The following FAM114A1 variants were observed in gnomAD, a reference collection of about 807,000 sequenced individuals.
FAM114A1 encodes the protein protein NOXP20.
A neutral mutation model predicts 64.3 loss-of-function variants in FAM114A1; 62 were observed. That is an observed-to-expected ratio of 0.96 (90% CI 0.79 to 1.19). The LOEUF (loss-of-function observed/expected upper bound fraction) is 1.19, where lower values mean the gene tolerates loss of function less well. FAM114A1 is among the 50% of genes most tolerant of loss of function. FAM114A1 has a pLI of 0.00. For synonymous variants in FAM114A1, 254 were observed against 251.1 expected (o/e 1.01, Z -0.11); for missense variants, 645 against 676.3 (o/e 0.95, Z 0.51).
rs74549065 is a variant in FAM114A1, at chr4:38,907,853, A to G, written c.658-739A>G. Among the ~76,000 whole-genome samples, 597 of 152,294 alleles carry G rather than the reference A, an allele frequency of 3.9e-3. 3 individuals carry two copies. The highest frequency in any genetic ancestry group is 0.036 in the South Asian group (176 of 4,828). On this transcript the variant is annotated intron_variant, in intron 6 of 14. Transcript: ENST00000358869. Reference sequence around the variant, plus strand: ...GTGTAAGTATGAAAGAGTTGCAAAGACATGTATGCAGTTCTGTTCACTTGA... The same window carrying G: ...GTGTAAGTATGAAAGAGTTGCAAAGGCATGTATGCAGTTCTGTTCACTTGA...
intron 4 of FAM114A1, among the ~76,000 whole-genome samples, chr4:38,899,283 T>C (rs571531657): frequency 2.6e-5 from 4 of 152,242 alleles, no homozygotes; most frequent in South Asian, 2.1e-4. Flanking sequence ...ACCTATCCCA[T>C]TGGGAGCTTG....
At chr4:38,877,967 A>AG in intron 2 of FAM114A1, 104 bp from the exon 3 acceptor site, 16 of 974,954 alleles carry the variant, frequency 1.6e-5, no homozygotes, top group Non-Finnish European at 2.2e-5. Context: ...TCCGTCTCAA[A>AG]AAAAAAAAAA....
chr4:38,885,029 C>T lies in FAM114A1; in HGVS notation c.348+6603C>T, dbSNP rs745636532. ...CTCCCTCTATCGCCAGGCTGGAGTGCAGTGGCATGATCTCGGCTCACTGCA... is the reference window on the plus strand; with the variant it reads ...CTCCCTCTATCGCCAGGCTGGAGTGTAGTGGCATGATCTCGGCTCACTGCA... On this transcript the variant is annotated intron_variant, in intron 3 of 14. Transcript: ENST00000358869. 7.6e-4 allele frequency among the ~76,000 whole-genome samples: 116 copies of T among 151,852 alleles called. No homozygotes were observed. In the Middle Eastern group the frequency reaches 0.014, roughly 18 times the overall value.
At chr4:38,875,420 C>A (rs1176847148) in intron 2 of FAM114A1, among the ~76,000 whole-genome samples, 1 of 152,048 alleles carries the variant, frequency 6.6e-6, no homozygotes, top group Non-Finnish European at 1.5e-5. Flanking sequence ...GTATTTTGTT[C>A]TTTTTGTGGC....
rs1715565594 is a variant in FAM114A1 at position 38,884,119 on chromosome 4, G to A, written c.348+5693G>A. Reference sequence around the variant, plus strand: ...TAGGACACAGCAAGAGCTAGTTGGGGTACGGGGAATAATTGAGAAGATGGT... The same window carrying A: ...TAGGACACAGCAAGAGCTAGTTGGGATACGGGGAATAATTGAGAAGATGGT... On this transcript the variant is annotated intron_variant, in intron 3 of 14. Transcript: ENST00000358869. 3.9e-5 allele frequency among the ~76,000 whole-genome samples: 6 copies of A among 152,206 alleles called. No homozygotes were observed. The South Asian group carries it at 1.0e-3, about 26-fold the overall frequency.
intron 10 of FAM114A1, among the ~76,000 whole-genome samples, chr4:38,930,442 G>T (rs1210965476): frequency 1.3e-5 from 2 of 152,184 alleles, no homozygotes; most frequent in Admixed American, 6.5e-5. Context: ...CTTGAACACA[G>T]TGGGAAGTTG....
intron 4 of FAM114A1, among the ~76,000 whole-genome samples, chr4:38,895,149 G>A (rs1202397336): frequency 2.0e-5 from 3 of 152,282 alleles, no homozygotes; most frequent in Admixed American, 6.5e-5. Flanking sequence ...GCCCAGAGTC[G>A]AAGATGAGGC....
intron 2 of FAM114A1, among the ~76,000 whole-genome samples, chr4:38,874,277 C>T (rs1389828577): frequency 6.6e-6 from 1 of 152,182 alleles, no homozygotes; most frequent in African/African-American, 2.4e-5. Context: ...ATACAGTAAG[C>T]ACTCAATAAA....
chr4:38,917,337 C>CA (rs57914020), intron 8 of FAM114A1, among the ~76,000 whole-genome samples: 8,631 of 133,384 alleles, frequency 0.065, 638 homozygotes, highest in African/African-American at 0.18. Flanking sequence ...GACTCTGTCT[C>CA]AAAAAAAAAA....
intron 8 of FAM114A1, among the ~76,000 whole-genome samples, chr4:38,920,205 C>CA (rs567275919): frequency 2.5e-3 from 341 of 134,210 alleles, no homozygotes; most frequent in Middle Eastern, 0.012. Context: ...AGACCCGTCT[C>CA]AAAAAAAAAA....
intron 3 of FAM114A1, among the ~76,000 whole-genome samples, chr4:38,883,299 G>A (rs182014239): frequency 6.6e-5 from 10 of 152,262 alleles, no homozygotes; most frequent in African/African-American, 2.4e-4. Flanking sequence ...ATTTAAATTC[G>A]TCTTAAAGAA....
chr4:38,899,684 C>T (rs976585522), intron 4 of FAM114A1, among the ~76,000 whole-genome samples: 2 of 152,090 alleles, frequency 1.3e-5, no homozygotes, highest in African/African-American at 4.8e-5. Context: ...TTCAAAAGCT[C>T]CAAGCATTGC....
rs1381298056 is a variant in FAM114A1, at chr4:38,929,230, T to C, written c.1070-12T>C. 1 of 1,595,758 alleles carries C rather than the reference T, an allele frequency of 6.3e-7. No individual in the cohort carries two copies. The highest frequency in any genetic ancestry group is 2.2e-5 in the East Asian group (1 of 44,774). On this transcript the variant is annotated splice_polypyrimidine_tract_variant and intron_variant, in intron 9 of 14. Coordinates refer to ENST00000358869, the MANE Select transcript of FAM114A1 (RefSeq NM_138389.4). The stretch of plus-strand genomic sequence containing the variant: ...AATAAATCACGCTTCTTCTGTCGTG[T>C]TCTATTTCTAGGCTTAGAAGAAAAG...
chr4:38,941,478 T>A (rs995800629), intron 14 of FAM114A1, among the ~76,000 whole-genome samples: 1 of 152,246 alleles, frequency 6.6e-6, no homozygotes, highest in East Asian at 1.9e-4. Context: ...GCCCAGTCAA[T>A]GACAAGGGAC....
chr4:38,915,744 GGTGTGTGTGTGTGTGT>G (rs58018099), intron 8 of FAM114A1, among the ~76,000 whole-genome samples: 72 of 139,216 alleles, frequency 5.2e-4, no homozygotes, highest in East Asian at 1.5e-3. Flanking sequence ...CATCTATAGT[GGTGTGTGTGTGTGTGT>G]GTGTGTGTGT....
chr4:38,936,737 G>C (rs773771409), intron 13 of FAM114A1, among the ~76,000 whole-genome samples: 1 of 151,950 alleles, frequency 6.6e-6, no homozygotes, highest in Non-Finnish European at 1.5e-5. Flanking sequence ...ATTTTTAGTA[G>C]AGACGGGGTT....
At chr4:38,938,609 C>G (rs1721302693) in intron 13 of FAM114A1, 1 of 152,184 alleles carries the variant, frequency 6.6e-6, no homozygotes, top group African/African-American at 2.4e-5. Context: ...GATATAAACA[C>G]TAGGCTTGCA....
At chr4:38,899,880 T>C (rs1717335651) in intron 4 of FAM114A1, among the ~76,000 whole-genome samples, 1 of 152,176 alleles carries the variant, frequency 6.6e-6, no homozygotes, top group African/African-American at 2.4e-5. Context: ...TACTATCTAA[T>C]TTGCAATTTT....
At chr4:38,934,588 A>C (rs138748670) in intron 12 of FAM114A1, among the ~76,000 whole-genome samples, 263 of 152,322 alleles carry the variant, frequency 1.7e-3, no homozygotes, top group African/African-American at 6.1e-3. Flanking sequence ...TGCTGTATGC[A>C]CTAACTGATA....
Sources: allele counts gnomAD v4.1 joint callset (sites outside exome capture counted in the v4.1 genomes callset), GRCh38; gene constraint gnomAD v4.1.1; transcripts MANE v1.5; gene names NCBI Gene and HGNC (gene_info 2026-07-23, HGNC 2026-07-21).